DNAAF6: variants seen among roughly 807,000 people sequenced by gnomAD.
DNAAF6 encodes PIH1 domain containing 3.
DNAAF6 carries 3 observed loss-of-function variants against 13.7 expected under a neutral mutation model. That is an observed-to-expected ratio of 0.22 (90% CI 0.10 to 0.56). The LOEUF is 0.56. Among genes scored for constraint, DNAAF6 ranks in the 20% least tolerant of loss-of-function variants. The pLI is 0.92. For missense variants in DNAAF6, 130 were observed against 151.0 expected, an observed-to-expected ratio of 0.86 and a Z score of 0.73; for synonymous variants, 54 against 49.2, an observed-to-expected ratio of 1.10 and a Z score of -0.41.
At chrX:107,223,097 T>G (rs1419904860) in intron 5 of DNAAF6, among the ~76,000 whole-genome samples, 7 of 111,862 alleles carry the variant, frequency 6.3e-5, no homozygotes, top group East Asian at 2.8e-4. Context: ...AATTTCTATT[T>G]TTATCCCTAT....
rs1264091010 is a variant in DNAAF6, at chrX:107,231,416, A to C, written c.430-7506A>C. ...ATTGGAATGGTTCTAGTGTTTCTTC[A>C]TTTAGTTAGATACTGATTTTTGGGG... On this transcript the variant is annotated intron_variant, in intron 5 of 6. Transcript: ENST00000372453. Among the ~76,000 whole-genome samples, 4 of 111,977 alleles carry C rather than the reference A, an allele frequency of 3.6e-5. No individual in the cohort carries two copies. The East Asian group carries it at 8.3e-4, about 23-fold the overall frequency.
intron 6 of DNAAF6, among the ~76,000 whole-genome samples, chrX:107,241,128 T>C (rs1315561668): frequency 1.8e-5 from 2 of 112,289 alleles, no homozygotes; most frequent in Non-Finnish European, 3.8e-5. Context: ...TTGTTAATTA[T>C]ATAAGATAAA....
intron 5 of DNAAF6, among the ~76,000 whole-genome samples, chrX:107,236,671 G>A (rs1003231560): frequency 1.7e-4 from 19 of 112,020 alleles, no homozygotes; most frequent in Middle Eastern, 4.6e-3. Context: ...AACAGCAAAT[G>A]ATTTTAAGAA....
intron 5 of DNAAF6, among the ~76,000 whole-genome samples, chrX:107,233,987 T>G (rs1026531475): frequency 9.0e-6 from 1 of 111,292 alleles, no homozygotes; most frequent in African/African-American, 3.3e-5. Flanking sequence ...TATAATGAAT[T>G]TAGTTCTGGT....
intron 1 of DNAAF6, among the ~76,000 whole-genome samples, chrX:107,208,147 C>T (rs1004395001): frequency 1.8e-5 from 2 of 111,520 alleles, no homozygotes; most frequent in African/African-American, 6.5e-5. Context: ...GTCAACTCAG[C>T]ACTTTGAGAG....
At chrX:107,207,295 A>AGT (rs1291839662) in intron 1 of DNAAF6, 3 of 110,757 alleles carry the variant, frequency 2.7e-5, no homozygotes, top group Non-Finnish European at 3.8e-5. Context: ...TGAGGGTTCC[A>AGT]GTGTTGCTTG....
chrX:107,239,131 T>A lies in DNAAF6; in HGVS notation c.515+124T>A, dbSNP rs907221280. On this transcript the variant is annotated intron_variant, in intron 6 of 6. Coordinates refer to ENST00000372453, the MANE Select transcript of DNAAF6 (RefSeq NM_173494.2). ...AAGTCTGAAGAAAAGTGGAAAATTT[T>A]GTATTCAGATGTTTGATCTACATTA... 14 of 962,183 alleles carry A rather than the reference T, an allele frequency of 1.5e-5. No homozygotes were observed. In the African/African-American group the frequency reaches 2.8e-4, roughly 19 times the overall value. The allele number at this position is 962,183 out of a possible 1,213,427, so 79.3% of individuals were successfully genotyped here.
chrX:107,226,041 T>C (rs376850969), intron 5 of DNAAF6, among the ~76,000 whole-genome samples: 226 of 112,065 alleles, frequency 2.0e-3, no homozygotes, highest in African/African-American at 6.9e-3. Flanking sequence ...TACCACTGCC[T>C]TGTTTAAGAA....
Position 107,238,923 on chromosome X carries a change from C to T in DNAAF6, c.431C>T (p.Ala144Val). The part of the protein sequence containing the change: ...SSTGCCSELV[A>V]KIKLPNTNPS... ...TTTTCTTCTCATTTTCTCTTTCAGG[C>T]TAAAATTAAATTGCCAAATACAAAC... Residue 144 changes from alanine to valine, a missense_variant and splice_region_variant, in exon 6 of 7, where the codon GCT becomes GTT. Transcript: ENST00000372453. 1 of 1,206,571 alleles carries T rather than the reference C, an allele frequency of 8.3e-7. No individual in the cohort carries two copies. The highest frequency in any genetic ancestry group is 1.8e-5 in the South Asian group (1 of 55,675).
intron 2 of DNAAF6, among the ~76,000 whole-genome samples, chrX:107,215,403 A>C (rs1350599441): frequency 1.8e-5 from 2 of 111,333 alleles, no homozygotes; most frequent in Non-Finnish European, 3.8e-5. Flanking sequence ...TCTGATGATT[A>C]ATAATTTAAG....
At chrX:107,233,224 G>A (rs1046841637) in intron 5 of DNAAF6, among the ~76,000 whole-genome samples, 5 of 111,717 alleles carry the variant, frequency 4.5e-5, no homozygotes, top group Non-Finnish European at 9.4e-5. Flanking sequence ...GAGTTTTTAC[G>A]TTGTATATGT....
intron 5 of DNAAF6, among the ~76,000 whole-genome samples, chrX:107,229,088 G>A (rs1928319403): frequency 9.7e-6 from 1 of 103,425 alleles, no homozygotes; most frequent in Non-Finnish European, 1.9e-5. Context: ...AAGATATGAG[G>A]GTGCTGCTAC....
intron 6 of DNAAF6, among the ~76,000 whole-genome samples, chrX:107,241,279 T>A (rs934114717): frequency 1.8e-5 from 2 of 111,929 alleles, no homozygotes; most frequent in African/African-American, 6.5e-5. Flanking sequence ...TTTTTTTGTA[T>A]TTACATTCAT....
chrX:107,230,944 C>G (rs1203496878), intron 5 of DNAAF6, among the ~76,000 whole-genome samples: 1 of 111,663 alleles, frequency 9.0e-6, no homozygotes, highest in South Asian at 3.8e-4. Context: ...GGTATTCCAC[C>G]TAGTCCCTCA....
intron 5 of DNAAF6, among the ~76,000 whole-genome samples, chrX:107,234,840 G>A (rs1928480894): frequency 8.9e-6 from 1 of 111,832 alleles, no homozygotes; most frequent in African/African-American, 3.2e-5. Flanking sequence ...GACTTCTCTT[G>A]TCAATTTTCA....
At chrX:107,237,748 C>T (rs1182013351) in intron 5 of DNAAF6, among the ~76,000 whole-genome samples, 5 of 112,200 alleles carry the variant, frequency 4.5e-5, no homozygotes, top group Non-Finnish European at 7.5e-5. Flanking sequence ...CGTTGGGAGG[C>T]TGAGGCGGGC....
intron 6 of DNAAF6, among the ~76,000 whole-genome samples, 167 bp downstream of exon 6, chrX:107,239,174 T>C (rs1026704150): frequency 1.8e-5 from 2 of 111,947 alleles, no homozygotes; most frequent in Admixed American, 9.5e-5. Context: ...CATAAATATG[T>C]TTGGAAATAC....
chrX:107,234,140 T>C (rs1007186603), intron 5 of DNAAF6, among the ~76,000 whole-genome samples: 1 of 111,212 alleles, frequency 9.0e-6, no homozygotes, highest in African/African-American at 3.3e-5. Flanking sequence ...TATGCATCTA[T>C]GAAGCATTTT....
intron 5 of DNAAF6, among the ~76,000 whole-genome samples, chrX:107,225,694 A>G (rs1297660766): frequency 2.7e-5 from 3 of 111,670 alleles, no homozygotes; most frequent in Non-Finnish European, 5.6e-5. Context: ...TACCCTCCCC[A>G]GACTCCAAAT....
Sources: allele counts gnomAD v4.1 joint callset (sites outside exome capture counted in the v4.1 genomes callset), GRCh38; gene constraint gnomAD v4.1.1; transcripts MANE v1.5; gene names NCBI Gene and HGNC (gene_info 2026-07-23, HGNC 2026-07-21).